STK32B: variants seen among roughly 807,000 people sequenced by gnomAD.
The protein encoded by STK32B is serine/threonine kinase 32B.
STK32B carries 43 observed loss-of-function variants against 52.6 expected under a neutral mutation model. The observed-to-expected ratio is 0.82, with a 90% CI of 0.64 to 1.05. The LOEUF is 1.05. Among genes scored for constraint, STK32B ranks in the 50% least tolerant of loss-of-function variants. STK32B has a pLI of 0.00. For missense variants in STK32B, 621 were observed against 534.6 expected, an observed-to-expected ratio of 1.16 and a Z score of -1.59; for synonymous variants, 238 against 204.3, an observed-to-expected ratio of 1.17 and a Z score of -1.41.
At chr4:5,271,204 G>A (rs1455439762) in intron 3 of STK32B, among the ~76,000 whole-genome samples, 1 of 152,148 alleles carries the variant, frequency 6.6e-6, no homozygotes, top group Non-Finnish European at 1.5e-5. Flanking sequence ...CCAAAGTGCT[G>A]GGATTAACAG....
intron 3 of STK32B, among the ~76,000 whole-genome samples, chr4:5,174,398 G>A (rs571258544): frequency 4.6e-5 from 7 of 152,156 alleles, no homozygotes; most frequent in Non-Finnish European, 1.0e-4. Context: ...TCCTAGCCTC[G>A]ATGGTCTTTA....
intron 3 of STK32B, among the ~76,000 whole-genome samples, chr4:5,284,373 T>G (rs2108874814): frequency 6.6e-6 from 1 of 152,170 alleles, no homozygotes; most frequent in South Asian, 2.1e-4. Flanking sequence ...AAGAGAAGAC[T>G]TAGGCAGCAA....
intron 3 of STK32B, among the ~76,000 whole-genome samples, chr4:5,181,543 A>G (rs1014186552): frequency 2.6e-5 from 4 of 152,260 alleles, no homozygotes; most frequent in African/African-American, 4.8e-5. Context: ...CTGCCATTAC[A>G]GGCATACGTC....
At chr4:5,383,747 T>C (rs1736073955) in intron 4 of STK32B, among the ~76,000 whole-genome samples, 1 of 152,224 alleles carries the variant, frequency 6.6e-6, no homozygotes, top group Admixed American at 6.5e-5. Context: ...AGGGCCATCC[T>C]GAGTCCTGGA....
intron 4 of STK32B, among the ~76,000 whole-genome samples, chr4:5,387,603 G>T (rs2109031335): frequency 6.6e-6 from 1 of 152,298 alleles, no homozygotes; most frequent in East Asian, 1.9e-4. Context: ...GCAGACACAG[G>T]ACCCTGGTGT....
chr4:5,116,923 T>C (rs576874424), intron 1 of STK32B, among the ~76,000 whole-genome samples: 2 of 152,328 alleles, frequency 1.3e-5, no homozygotes, highest in East Asian at 1.9e-4. Flanking sequence ...TAGTATGGTT[T>C]TCTAAATTTC....
At chr4:5,310,355 G>T (rs1730213161) in intron 3 of STK32B, among the ~76,000 whole-genome samples, 1 of 152,000 alleles carries the variant, frequency 6.6e-6, no homozygotes, top group Non-Finnish European at 1.5e-5. Flanking sequence ...AACAAGCAAA[G>T]AATCTGATTT....
chr4:5,484,796 T>C (rs977224139), intron 11 of STK32B, among the ~76,000 whole-genome samples: 4 of 152,194 alleles, frequency 2.6e-5, no homozygotes, highest in Non-Finnish European at 5.9e-5. Context: ...GGTGACAAAA[T>C]CTCTCAGCAT....
intron 1 of STK32B, among the ~76,000 whole-genome samples, chr4:5,063,405 C>T (rs528775034): frequency 3.3e-5 from 5 of 151,978 alleles, no homozygotes; most frequent in African/African-American, 9.7e-5. Context: ...TGCAGTGGTG[C>T]GATCTTGGCT....
intron 3 of STK32B, among the ~76,000 whole-genome samples, chr4:5,205,176 T>C (rs931139627): frequency 5.9e-5 from 9 of 151,482 alleles, no homozygotes; most frequent in African/African-American, 1.7e-4. Flanking sequence ...CTGGGACTTA[T>C]ATCATTGCCT....
At chr4:5,454,860 C>T (rs1330183524) in intron 7 of STK32B, among the ~76,000 whole-genome samples, 3 of 152,134 alleles carry the variant, frequency 2.0e-5, no homozygotes, top group Non-Finnish European at 2.9e-5. Flanking sequence ...GGATCTCACA[C>T]ACGCAATGAT....
At chr4:5,238,202 C>G (rs370400098) in intron 3 of STK32B, among the ~76,000 whole-genome samples, 3 of 152,210 alleles carry the variant, frequency 2.0e-5, no homozygotes, top group African/African-American at 7.2e-5. Context: ...TCTAAAACCA[C>G]GGTGTCAGCA....
intron 1 of STK32B, among the ~76,000 whole-genome samples, chr4:5,093,470 C>A (rs143331379): frequency 1.3e-5 from 2 of 152,028 alleles, no homozygotes; most frequent in South Asian, 2.1e-4. Context: ...GGACAAAAAA[C>A]CAAACACCGC....
At chr4:5,496,277 C>A (rs1381380271) in intron 11 of STK32B, among the ~76,000 whole-genome samples, 2 of 152,244 alleles carry the variant, frequency 1.3e-5, no homozygotes, top group Non-Finnish European at 2.9e-5. Context: ...CAAGCCTGGG[C>A]AATGGCGGGC....
chr4:5,408,575 A>G (rs1414539746), intron 5 of STK32B, among the ~76,000 whole-genome samples: 1 of 152,148 alleles, frequency 6.6e-6, no homozygotes, highest in Non-Finnish European at 1.5e-5. Flanking sequence ...CAATGCGAGA[A>G]CAAACTAATG....
In STK32B at chr4:5,460,044, TC is replaced by T; in HGVS notation, c.784-55del. The T allele has an allele frequency of 6.2e-7, 1 of 1,613,538 alleles. No homozygotes were observed. Among genetic ancestry groups the T allele is most frequent in the Non-Finnish European group, 8.5e-7 (1 of 1,179,734 alleles). ...TGCCCTGAGACCCCCTCCTTCAGAG[TC>T]CCCGCTAACCTTGAGGGATGCCCAA... On this transcript the variant is annotated intron_variant, in intron 8 of 11. Coordinates refer to ENST00000282908, the MANE Select transcript of STK32B (RefSeq NM_018401.3). The surrounding 1 kb of genome is among the most constrained non-coding windows in gnomAD (Gnocchi z 4.8).
chr4:5,480,647 T>A (rs1718614850), intron 11 of STK32B, among the ~76,000 whole-genome samples: 1 of 152,000 alleles, frequency 6.6e-6, no homozygotes, highest in Non-Finnish European at 1.5e-5. Context: ...TTAGTTACAT[T>A]TGTGTACATG....
At chr4:5,053,693 G>A (rs1029852047) in intron 1 of STK32B, among the ~76,000 whole-genome samples, 1 of 152,148 alleles carries the variant, frequency 6.6e-6, no homozygotes, top group African/African-American at 2.4e-5. Context: ...TAAAATACAA[G>A]GTTATGAGGC....
intron 3 of STK32B, among the ~76,000 whole-genome samples, chr4:5,239,635 G>C (rs1050089196): frequency 6.6e-6 from 1 of 152,176 alleles, no homozygotes; most frequent in Non-Finnish European, 1.5e-5. Context: ...GCCACAAGTG[G>C]TGTGCATTCT....
Sources: allele counts gnomAD v4.1 joint callset (sites outside exome capture counted in the v4.1 genomes callset), GRCh38; gene constraint gnomAD v4.1.1; non-coding constraint Gnocchi (gnomAD v3.1); transcripts MANE v1.5; gene names NCBI Gene and HGNC (gene_info 2026-07-23, HGNC 2026-07-21).